ARHGEF7: variants seen among roughly 807,000 people sequenced by gnomAD.
ARHGEF7 encodes Rho guanine nucleotide exchange factor 7, also known as PAK-interacting exchange factor beta.
In ARHGEF7, 33 loss-of-function variants were observed where a neutral mutation model predicts 109.8. That is an observed-to-expected ratio of 0.30 (90% CI 0.23 to 0.40). ARHGEF7 has a LOEUF of 0.40. ARHGEF7 is among the 10% of genes least tolerant of loss of function. The probability of loss-of-function intolerance (pLI) is 1.00; values close to 1 mark genes in which losing one functional copy is unlikely to be tolerated. For missense variants in ARHGEF7, 938 were observed against 1,098.5 expected, an observed-to-expected ratio of 0.85 and a Z score of 2.07; for synonymous variants, 458 against 424.6, an observed-to-expected ratio of 1.08 and a Z score of -0.97.
rs2085540654 is a variant in ARHGEF7 at position 111,228,551 on chromosome 13, A to G, written c.671-4654A>G. Among the ~76,000 whole-genome samples the G allele has an allele frequency of 6.6e-6, 1 of 152,162 alleles. No individual in the cohort carries two copies. The highest frequency in any genetic ancestry group is 1.5e-5 in the Non-Finnish European group (1 of 68,032). On this transcript the variant is annotated intron_variant, in intron 5 of 21. Transcript: ENST00000646102. This position sits in a 1 kb window ranked among gnomAD's most constrained non-coding sequence, Gnocchi z 4.6. ...GTGGTCATTCTCTGTATGTTTATGT[A>G]TATTTTTAAGTTTCTAAAAGTTTGG...
At chr13:111,297,100 A>G (rs959075925) in intron 19 of ARHGEF7, among the ~76,000 whole-genome samples, 1 of 152,236 alleles carries the variant, frequency 6.6e-6, no homozygotes, top group Non-Finnish European at 1.5e-5. Context: ...TCTGCTTTCT[A>G]AAACATCGTT....
rs910287841 is a variant in ARHGEF7 at position 111,293,215 on chromosome 13, T to C, written c.2311+921T>C. 8.2e-5 allele frequency: 81 copies of C among 985,292 alleles called. 1 individual carries two copies. Among genetic ancestry groups the C allele is most frequent in the Non-Finnish European group, 5.4e-5 (45 of 829,958 alleles). The allele number at this position is 985,292 out of a possible 1,614,324, so 61.0% of individuals were successfully genotyped here. A position where few individuals can be genotyped will look rare whatever the true frequency, so the allele number is the denominator to read the frequency against. ...CTGTAGTAGAGGCATTTGGAATACT[T>C]ACAAAGTCAAGTGCTGTGGCTTCAG... On this transcript the variant is annotated intron_variant, in intron 19 of 21. Coordinates refer to ENST00000646102, the MANE Select transcript of ARHGEF7 (RefSeq NM_001354046.2).
At chr13:111,217,494 T>C (rs2083281405) in intron 4 of ARHGEF7, among the ~76,000 whole-genome samples, 185 bp from the exon 5 acceptor site, 1 of 152,202 alleles carries the variant, frequency 6.6e-6, no homozygotes, top group Non-Finnish European at 1.5e-5. Flanking sequence ...GAGGGTGTCC[T>C]CTGGGGCTGG....
intron 9 of ARHGEF7, among the ~76,000 whole-genome samples, chr13:111,270,899 A>G (rs547007497): frequency 6.6e-6 from 1 of 152,262 alleles, no homozygotes; most frequent in South Asian, 2.1e-4. Flanking sequence ...TTAGGAATGG[A>G]TAGAGTGAGT....
intron 1 of ARHGEF7, among the ~76,000 whole-genome samples, chr13:111,125,407 G>T (rs1172664957): frequency 2.0e-5 from 3 of 149,618 alleles, no homozygotes; most frequent in African/African-American, 4.9e-5. Flanking sequence ...TTAGGGGCTG[G>T]TGATCATCCT....
Position 111,273,182 on chromosome 13 carries a change from T to C in ARHGEF7, c.1074-632T>C, listed in dbSNP as rs1487920089. ...CTAAAGCGTAAATCAACATTCGCTG[T>C]CTGCACACAGGGACCCCTTTCTTCC... On this transcript the variant is annotated intron_variant, in intron 9 of 21. Transcript: ENST00000646102. This position sits in a 1 kb window ranked among gnomAD's most constrained non-coding sequence, Gnocchi z 4.5. Among the ~76,000 whole-genome samples, 1 of 152,254 alleles carries C rather than the reference T, an allele frequency of 6.6e-6. No homozygotes were observed. The highest frequency in any genetic ancestry group is 2.4e-5 in the African/African-American group (1 of 41,470).
chr13:111,294,269 A>G, intron 19 of ARHGEF7: 1 of 985,414 alleles, frequency 1.0e-6, no homozygotes, highest in South Asian at 4.7e-5. Flanking sequence ...TGCGTCAGGG[A>G]GCACTTTTTT....
In ARHGEF7 at chr13:111,267,675, G is replaced by A. The variant is rs780081984; in HGVS notation, c.1073+5G>A. 21 of 1,613,246 alleles carry A rather than the reference G, an allele frequency of 1.3e-5. No individual in the cohort carries two copies. Among genetic ancestry groups the A allele is most frequent in the South Asian group, 4.4e-5 (4 of 91,024 alleles). ...GAATGTCCTCACGGAACACAGGTGCGCTTGCTAGGCACCTTGGCAACAGGG... is the reference window on the plus strand; with the variant it reads ...GAATGTCCTCACGGAACACAGGTGCACTTGCTAGGCACCTTGGCAACAGGG... On this transcript the variant is annotated splice_donor_5th_base_variant and intron_variant, in intron 9 of 21. Coordinates refer to ENST00000646102, the MANE Select transcript of ARHGEF7 (RefSeq NM_001354046.2).
chr13:111,197,291 C>T (rs1272796978), intron 2 of ARHGEF7, among the ~76,000 whole-genome samples: 1 of 152,174 alleles, frequency 6.6e-6, no homozygotes, highest in East Asian at 1.9e-4. Context: ...AACAGTTGCG[C>T]TCACTGACAC....
intron 2 of ARHGEF7, among the ~76,000 whole-genome samples, chr13:111,170,137 C>T (rs145409332): frequency 6.6e-6 from 1 of 152,240 alleles, no homozygotes; most frequent in Non-Finnish European, 1.5e-5. Flanking sequence ...TTGCTCTGTT[C>T]TCCCTGCTGG....
chr13:111,267,675 G>T lies in ARHGEF7; in HGVS notation c.1073+5G>T. 3 of 1,613,364 alleles carry T rather than the reference G, an allele frequency of 1.9e-6. No individual in the cohort carries two copies. Among genetic ancestry groups the T allele is most frequent in the Non-Finnish European group, 2.5e-6 (3 of 1,179,554 alleles). ...GAATGTCCTCACGGAACACAGGTGC[G>T]CTTGCTAGGCACCTTGGCAACAGGG... On this transcript the variant is annotated splice_donor_5th_base_variant and intron_variant, in intron 9 of 21. Transcript: ENST00000646102.
chr13:111,115,600 C>A lies in ARHGEF7; in HGVS notation c.74C>A (p.Ser25Ter). The A allele has an allele frequency of 7.0e-7, 1 of 1,421,998 alleles. No homozygotes were observed. The allele number at this position is 1,421,998 out of a possible 1,614,324, so 88.1% of individuals were successfully genotyped here. A position where few individuals can be genotyped will look rare whatever the true frequency, so the allele number is the denominator to read the frequency against. Residue 25 changes from serine (S) to a stop codon, truncating the protein, a stop_gained, in exon 1 of 22, where the codon TCG (serine) becomes TAG (stop). Transcript: ENST00000646102. LOFTEE classifies it high-confidence loss of function. ...CTGGAGTCGCCCAAAAAAACCATCTCGGACCCGGAGGGCTTTCTGCAGGCG... is the reference window on the plus strand; with the variant it reads ...CTGGAGTCGCCCAAAAAAACCATCTAGGACCCGGAGGGCTTTCTGCAGGCG... ...GVLESPKKTI[S>*]DPEGFLQASL...
chr13:111,278,900 C>A (rs1250194319), intron 13 of ARHGEF7, among the ~76,000 whole-genome samples: 4 of 152,148 alleles, frequency 2.6e-5, no homozygotes, highest in African/African-American at 7.2e-5. Flanking sequence ...ACTGGATTTG[C>A]CCTTGATGTG....
chr13:111,212,654 G>T (rs2082640362), intron 4 of ARHGEF7, among the ~76,000 whole-genome samples: 1 of 152,204 alleles, frequency 6.6e-6, no homozygotes, highest in Non-Finnish European at 1.5e-5. Context: ...GTCTGGCACA[G>T]TCCTGATGCT....
At chr13:111,159,873 C>T (rs1290912340) in intron 2 of ARHGEF7, among the ~76,000 whole-genome samples, 1 of 152,130 alleles carries the variant, frequency 6.6e-6, no homozygotes, top group East Asian at 1.9e-4. Flanking sequence ...TCCCATTTAT[C>T]TTATTTTTGC....
intron 6 of ARHGEF7, among the ~76,000 whole-genome samples, chr13:111,236,327 A>G (rs1404156421): frequency 6.6e-6 from 1 of 152,206 alleles, no homozygotes; most frequent in Non-Finnish European, 1.5e-5. Flanking sequence ...TGTGCCCCCT[A>G]GAGACAGTTT....
chr13:111,270,762 A>G (rs2092078069), intron 9 of ARHGEF7, among the ~76,000 whole-genome samples: 2 of 152,220 alleles, frequency 1.3e-5, no homozygotes, highest in African/African-American at 2.4e-5. Flanking sequence ...AGGAGTTGAA[A>G]TATATTTTTA....
chr13:111,274,079 G>A, intron 10 of ARHGEF7, 127 bp downstream of exon 10: 1 of 1,186,250 alleles, frequency 8.4e-7, no homozygotes, highest in East Asian at 2.6e-5. Context: ...TTTACAAAGA[G>A]TTTTGTTAAA....
At position 111,183,251 on chromosome 13, in the gene ARHGEF7, A is replaced by G. The variant is rs145758346; in HGVS notation, c.253-22038A>G. 1.4e-3 allele frequency among the ~76,000 whole-genome samples: 212 copies of G among 152,264 alleles called. 2 individuals carry two copies. The highest frequency in any genetic ancestry group is 4.6e-3 in the African/African-American group (192 of 41,524). On this transcript the variant is annotated intron_variant, in intron 2 of 21. Transcript: ENST00000646102. ...TTAAATGGCGCTTATTTTGAAATAC[A>G]TATGCAGTGGACATGTACTGGGAGT...
Sources: gnomAD v4.1 joint callset for allele counts (sites outside exome capture counted in the v4.1 genomes callset) on GRCh38, gnomAD v4.1.1 for gene constraint, Gnocchi (gnomAD v3.1) non-coding constraint, MANE v1.5 for transcripts, NCBI Gene and HGNC (gene_info 2026-07-23, HGNC 2026-07-21) for gene names.